ABHD14A: variants seen among roughly 807,000 people sequenced by gnomAD.
The protein encoded by ABHD14A is abhydrolase domain containing 14A.
Under a neutral mutation model 27.0 loss-of-function variants are expected in ABHD14A, and 19 were observed. The ratio of observed to expected loss-of-function variants is 0.70; its 90% CI spans 0.49 to 1.03. The LOEUF (loss-of-function observed/expected upper bound fraction) is 1.03. Ranked by LOEUF, ABHD14A falls within the 50% of genes least tolerant of loss-of-function variation. ABHD14A has a pLI of 0.00. For missense variants in ABHD14A, 311 were observed against 344.6 expected (o/e 0.90, Z 0.77); for synonymous variants, 148 against 158.8 (o/e 0.93, Z 0.51).
At chr3:51,977,515 C>T (rs1700810866) in intron 1 of ABHD14A, among the ~76,000 whole-genome samples, 1 of 152,220 alleles carries the variant, frequency 6.6e-6, no homozygotes, top group African/African-American at 2.4e-5. Context: ...TGCTCCCCAG[C>T]ATTCTTGGTG....
At chr3:51,978,453 C>T (rs1176536649) in intron 3 of ABHD14A, 79 bp downstream of exon 3, 13 of 1,062,230 alleles carry the variant, frequency 1.2e-5, no homozygotes, top group East Asian at 2.6e-5. Context: ...CTGGACAGGC[C>T]GTGGCAGGTC....
chr3:51,979,810 A>G (rs1476755927), intron 3 of ABHD14A, among the ~76,000 whole-genome samples: 2 of 151,340 alleles, frequency 1.3e-5, no homozygotes, highest in African/African-American at 4.9e-5. Context: ...AAATTTAGAT[A>G]ACTACTATCT....
intron 1 of ABHD14A, 100 bp from the exon 2 acceptor site, chr3:51,977,771 C>T: frequency 8.7e-7 from 1 of 1,150,908 alleles, no homozygotes; most frequent in Non-Finnish European, 1.3e-6. Flanking sequence ...GGCTGGAGCT[C>T]TTCCTCTGCT....
At chr3:51,980,269 C>T (rs116315797) in intron 3 of ABHD14A, 124 bp from the exon 4 acceptor site, 1 of 828,000 alleles carries the variant, frequency 1.2e-6, no homozygotes, top group Admixed American at 2.0e-5. Context: ...AAAATAGCTT[C>T]TGGGCAGTTT....
chr3:51,978,466 A>G, intron 3 of ABHD14A, 92 bp downstream of exon 3: 1 of 848,622 alleles, frequency 1.2e-6, no homozygotes, highest in African/African-American at 1.7e-5. Context: ...GGCAGGTCAC[A>G]ACATAAGGTG....
Position 51,977,970 on chromosome 3 carries a change from G to C in ABHD14A, c.169G>C (p.Glu57Gln). The change falls in exon 2 of 5, where the codon GAG becomes CAG. Residue 57 changes from glutamate (E) to glutamine (Q), a missense_variant. By Grantham distance (29) the Glu-to-Gln change is conservative. Coordinates refer to ENST00000273596, the MANE Select transcript of ABHD14A (RefSeq NM_015407.5). ...LLYVGLPGPP[E>Q]QTSCLWGDPN... is the part of the protein sequence containing the mutation. ...GTATGTGGGGCTGCCAGGCCCCCCT[G>C]AGCAGACTTCCTGCCTCTGGGGAGA... 1 of 1,614,114 alleles carries C rather than the reference G, an allele frequency of 6.2e-7. No individual in the cohort carries two copies. Among genetic ancestry groups the C allele is most frequent in the Non-Finnish European group, 8.5e-7 (1 of 1,180,032 alleles).
intron 3 of ABHD14A, chr3:51,978,713 TC>T: frequency 7.4e-6 from 2 of 270,882 alleles, no homozygotes; most frequent in South Asian, 6.6e-5. Flanking sequence ...TGCCTCCGCT[TC>T]CCCAGTAGCT....
chr3:51,978,013 T>G lies in ABHD14A; in HGVS notation c.212T>G (p.Leu71Arg). 6.2e-7 allele frequency: 1 copy of G among 1,614,076 alleles called. No individual in the cohort carries two copies. Among genetic ancestry groups the G allele is most frequent in the Non-Finnish European group, 8.5e-7 (1 of 1,180,038 alleles). ...TGGGGAGACCCCAATGTCACAGTCC[T>G]GGCTGGTCTCACCCCTGGCAACTCG... ...CLWGDPNVTV[L>R]AGLTPGNSPI... Residue 71 changes from leucine to arginine, a missense_variant, in exon 2 of 5, where the codon CTG becomes CGG. Leu to Arg is a moderately radical substitution (Grantham distance 102). Coordinates refer to ENST00000273596, the MANE Select transcript of ABHD14A (RefSeq NM_015407.5).
chr3:51,976,455 A>G (rs1197083067), intron 1 of ABHD14A, among the ~76,000 whole-genome samples: 2 of 151,880 alleles, frequency 1.3e-5, no homozygotes, highest in Non-Finnish European at 2.9e-5. Flanking sequence ...GGCGGGTGAA[A>G]CACGAGGCCA....
In ABHD14A at chr3:51,978,487, A is replaced by G. The variant is rs991610616; in HGVS notation, c.397+113A>G. 67 of 658,642 alleles carry G rather than the reference A, an allele frequency of 1.0e-4. 2 individuals are homozygous for G. The highest frequency in any genetic ancestry group is 3.5e-4 in the East Asian group (12 of 34,568). 40.8% of individuals were successfully genotyped at this position (658,642 alleles called of 1,614,324 possible). ...TCACAACATAAGGTGGCACCATGAA[A>G]AAGTCTGTGTTTTCATTTTCTACTA... On this transcript the variant is annotated intron_variant, in intron 3 of 4. Coordinates refer to ENST00000273596, the MANE Select transcript of ABHD14A (RefSeq NM_015407.5).
intron 3 of ABHD14A, among the ~76,000 whole-genome samples, chr3:51,979,491 T>G (rs972735800): frequency 5.3e-5 from 8 of 150,172 alleles, no homozygotes; most frequent in East Asian, 1.9e-4. Flanking sequence ...GTTTTTTGTT[T>G]TTTTTTTTTT....
chr3:51,975,159 C>A lies in ABHD14A; in HGVS notation c.24C>A (p.Cys8Ter). ...CCATGGTCGGGGCGCTGTGCGGCTGCTGGTTCCGCCTGGGCGGGGCCCGCC... is the reference window on the plus strand; with the variant it reads ...CCATGGTCGGGGCGCTGTGCGGCTGATGGTTCCGCCTGGGCGGGGCCCGCC... MVGALCG[C>*]WFRLGGARPL... is the part of the protein sequence containing the mutation. Residue 8 changes from cysteine to a stop codon, truncating the protein, a stop_gained, in exon 1 of 5, where the codon TGC becomes TGA. Transcript: ENST00000273596. LOFTEE classifies it high-confidence loss of function. 1 of 1,285,468 alleles carries A rather than the reference C, an allele frequency of 7.8e-7. No individual in the cohort carries two copies. 79.6% of individuals were successfully genotyped at this position (1,285,468 alleles called of 1,614,324 possible).
intron 1 of ABHD14A, among the ~76,000 whole-genome samples, chr3:51,975,944 T>G (rs576905455): frequency 1.3e-5 from 2 of 152,356 alleles, no homozygotes; most frequent in South Asian, 4.1e-4. Flanking sequence ...GGGCACAGTT[T>G]ACCCTGCCCC....
chr3:51,977,965 C>T lies in ABHD14A; in HGVS notation c.164C>T (p.Pro55Leu). The T allele has an allele frequency of 6.2e-7, 1 of 1,614,132 alleles. No individual in the cohort carries two copies. Among genetic ancestry groups the T allele is most frequent in the Non-Finnish European group, 8.5e-7 (1 of 1,180,040 alleles). The change falls in exon 2 of 5, where the codon CCC becomes CTC. Residue 55 changes from proline to leucine, a missense_variant. Physicochemically the swap from Pro to Leu is moderately conservative, Grantham distance 98 (BLOSUM62 -3). Transcript: ENST00000273596. ...MLLLYVGLPG[P>L]PEQTSCLWGD... ...CTACTGTATGTGGGGCTGCCAGGCC[C>T]CCCTGAGCAGACTTCCTGCCTCTGG...
At chr3:51,975,473 G>A (rs1462678706) in intron 1 of ABHD14A, among the ~76,000 whole-genome samples, 2 of 150,560 alleles carry the variant, frequency 1.3e-5, no homozygotes, top group African/African-American at 2.5e-5. Context: ...GGGTGTGTTC[G>A]TTGATGTCTG....
chr3:51,977,637 G>C (rs764784779), intron 1 of ABHD14A, among the ~76,000 whole-genome samples: 1 of 152,248 alleles, frequency 6.6e-6, no homozygotes, highest in Non-Finnish European at 1.5e-5. Flanking sequence ...TGAGCATGCT[G>C]TGTGCCAGAG....
chr3:51,977,470 C>T (rs931543692), intron 1 of ABHD14A, among the ~76,000 whole-genome samples: 6 of 152,144 alleles, frequency 3.9e-5, no homozygotes, highest in Non-Finnish European at 7.3e-5. Context: ...TCTGAGCCTC[C>T]ATTTCCTCAC....
At chr3:51,977,842 C>T in intron 1 of ABHD14A, 29 bp from the exon 2 acceptor site, 1 of 1,588,508 alleles carries the variant, frequency 6.3e-7, no homozygotes, top group East Asian at 2.2e-5. Flanking sequence ...TCAGTTCCAG[C>T]CTCTTTTCCC....
chr3:51,978,519 C>T, intron 3 of ABHD14A, 145 bp downstream of exon 3: 1 of 531,414 alleles, frequency 1.9e-6, no homozygotes. Flanking sequence ...ACTATGAAAA[C>T]TACAGTGTGA....
Sources: allele counts gnomAD v4.1 joint callset (sites outside exome capture counted in the v4.1 genomes callset), GRCh38; gene constraint gnomAD v4.1.1; transcripts MANE v1.5; gene names NCBI Gene and HGNC (gene_info 2026-07-23, HGNC 2026-07-21).